The following ZFYVE16 variants were observed in gnomAD, a reference collection of about 807,000 sequenced individuals.
ZFYVE16 encodes zinc finger FYVE-type containing 16.
ZFYVE16 carries 89 observed loss-of-function variants against 138.1 expected under a neutral mutation model. That is an observed-to-expected ratio of 0.64 (90% CI 0.54 to 0.77). The LOEUF is 0.77. Among genes scored for constraint, ZFYVE16 ranks in the 30% least tolerant of loss-of-function variants. ZFYVE16 has a pLI of 0.00. For missense variants in ZFYVE16, 1,793 were observed against 1,786.7 expected, an observed-to-expected ratio of 1.00 and a Z score of -0.06; for synonymous variants, 596 against 618.3, an observed-to-expected ratio of 0.96 and a Z score of 0.53.
intron 1 of ZFYVE16, among the ~76,000 whole-genome samples, chr5:80,419,435 A>G (rs761422151): frequency 1.2e-4 from 18 of 151,896 alleles, no homozygotes; most frequent in Admixed American, 3.3e-4. Flanking sequence ...GCCAATACCA[A>G]ATTGCCCTGA....
chr5:80,472,404 C>T (rs1754472271), intron 15 of ZFYVE16, among the ~76,000 whole-genome samples: 1 of 151,726 alleles, frequency 6.6e-6, no homozygotes, highest in Non-Finnish European at 1.5e-5. Flanking sequence ...TGGGCTTAAC[C>T]TCTTCAGTTT....
rs767072017 is a variant in ZFYVE16 at position 80,481,221 on chromosome 5, A to G, written c.*3844A>G. Among the ~76,000 whole-genome samples the G allele has an allele frequency of 2.0e-5, 3 of 152,276 alleles. No individual in the cohort carries two copies. The highest frequency in any genetic ancestry group is 6.5e-5 in the Admixed American group (1 of 15,294). ...TCCCCCTGGTGCACTAGTGGCAGACATTGCAGGGCAGAACACTGGCAATGG... is the reference window on the plus strand; with the variant it reads ...TCCCCCTGGTGCACTAGTGGCAGACGTTGCAGGGCAGAACACTGGCAATGG... On this transcript the variant is annotated 3_prime_UTR_variant, in exon 19 of 19. Transcript: ENST00000505560.
intron 7 of ZFYVE16, among the ~76,000 whole-genome samples, chr5:80,446,046 C>A (rs1200945307): frequency 6.6e-6 from 1 of 151,766 alleles, no homozygotes; most frequent in Non-Finnish European, 1.5e-5. Flanking sequence ...CAGGCATCCA[C>A]CACCACACCT....
At chr5:80,430,495 T>C (rs371335813) in intron 2 of ZFYVE16, among the ~76,000 whole-genome samples, 1 of 151,774 alleles carries the variant, frequency 6.6e-6, no homozygotes, top group Non-Finnish European at 1.5e-5. Context: ...AGGAAAGATC[T>C]AAAATTGACA....
chr5:80,420,213 T>A (rs2112208793), intron 1 of ZFYVE16, among the ~76,000 whole-genome samples: 1 of 152,148 alleles, frequency 6.6e-6, no homozygotes, highest in South Asian at 2.1e-4. Flanking sequence ...TTCAAGGGAT[T>A]CTTTTGCCTC....
chr5:80,467,807 C>A (rs1480056294), intron 15 of ZFYVE16, among the ~76,000 whole-genome samples: 1 of 151,992 alleles, frequency 6.6e-6, no homozygotes, highest in African/African-American at 2.4e-5. Flanking sequence ...ATTACACTTA[C>A]AAGACAAAGG....
intron 7 of ZFYVE16, among the ~76,000 whole-genome samples, chr5:80,447,024 G>A (rs1019349713): frequency 1.3e-5 from 2 of 152,156 alleles, no homozygotes; most frequent in African/African-American, 2.4e-5. Context: ...CACTTTGGGA[G>A]GCCGAGGTGG....
At chr5:80,425,176 T>C (rs1353487335) in intron 1 of ZFYVE16, among the ~76,000 whole-genome samples, 1 of 152,232 alleles carries the variant, frequency 6.6e-6, no homozygotes, top group African/African-American at 2.4e-5. Flanking sequence ...TACTCCATTC[T>C]CATTTTGTCT....
At chr5:80,421,660 A>G (rs1474539381) in intron 1 of ZFYVE16, among the ~76,000 whole-genome samples, 3 of 152,094 alleles carry the variant, frequency 2.0e-5, no homozygotes, top group East Asian at 1.9e-4. Flanking sequence ...CTATATCTCC[A>G]TTTTGGTACC....
chr5:80,447,044 C>G (rs957877956), intron 7 of ZFYVE16, among the ~76,000 whole-genome samples: 21 of 152,012 alleles, frequency 1.4e-4, no homozygotes, highest in African/African-American at 5.1e-4. Flanking sequence ...GGCGGATCAT[C>G]TGAGGTCAGG....
At chr5:80,426,211 TG>T in intron 1 of ZFYVE16, among the ~76,000 whole-genome samples, 1 of 144,992 alleles carries the variant, frequency 6.9e-6, no homozygotes. Flanking sequence ...GGTGTGTGTG[TG>T]TGTGTGTGTG....
Position 80,437,700 on chromosome 5 carries a change from A to G in ZFYVE16, c.1015A>G (p.Lys339Glu). ...FSFQEDKTVI[K>E]QSAQEDSKSL... is the part of the protein sequence containing the mutation. ...CTTTCAGGAAGATAAGACTGTTATA[A>G]AACAATCTGCACAAGAAGACTCAAA... The change falls in exon 4 of 19, where the codon AAA becomes GAA. Residue 339 changes from lysine (K) to glutamate (E), a missense_variant. Transcript: ENST00000505560. 2.5e-6 allele frequency: 4 copies of G among 1,613,866 alleles called. No homozygotes were observed. The South Asian group carries it at 3.3e-5, about 13-fold the overall frequency.
intron 3 of ZFYVE16, among the ~76,000 whole-genome samples, chr5:80,435,321 C>G (rs149721879): frequency 6.6e-6 from 1 of 152,156 alleles, no homozygotes; most frequent in African/African-American, 2.4e-5. Flanking sequence ...GCCTGAGCCA[C>G]CAGGCCCGGC....
At chr5:80,410,186 T>C (rs1037008663) in intron 1 of ZFYVE16, 1 of 152,214 alleles carries the variant, frequency 6.6e-6, no homozygotes, top group African/African-American at 2.4e-5. Flanking sequence ...CTTTAACACA[T>C]GGATTCTTTT....
intron 1 of ZFYVE16, among the ~76,000 whole-genome samples, chr5:80,424,986 G>A (rs1747783126): frequency 6.6e-6 from 1 of 152,182 alleles, no homozygotes; most frequent in African/African-American, 2.4e-5. Context: ...CTCTCTGGCT[G>A]TTCTATCTTT....
At chr5:80,442,945 TA>T in intron 5 of ZFYVE16, 177 bp from the exon 6 acceptor site, 1 of 558,560 alleles carries the variant, frequency 1.8e-6, no homozygotes, top group Non-Finnish European at 3.0e-6. Context: ...TGCTGCCAAC[TA>T]AAGAGCCTGT....
At chr5:80,415,864 C>T (rs745841434) in intron 1 of ZFYVE16, among the ~76,000 whole-genome samples, 10 of 151,972 alleles carry the variant, frequency 6.6e-5, no homozygotes, top group Admixed American at 1.3e-4. Context: ...GACGGGGTTT[C>T]GCCATGTTGA....
At chr5:80,446,445 G>C (rs1246794997) in intron 7 of ZFYVE16, among the ~76,000 whole-genome samples, 1 of 152,076 alleles carries the variant, frequency 6.6e-6, no homozygotes, top group Non-Finnish European at 1.5e-5. Flanking sequence ...CAAAAGTTTA[G>C]TGAGAATAAT....
At position 80,459,402 on chromosome 5, in the gene ZFYVE16, T is replaced by G. The variant is rs1390937764; in HGVS notation, c.3944-12T>G. ...CAGTTTAAAACAAATAATTGTTGTATTTCTTGATCAGTGACAGGTGCAAGT... is the reference window on the plus strand; with the variant it reads ...CAGTTTAAAACAAATAATTGTTGTAGTTCTTGATCAGTGACAGGTGCAAGT... On this transcript the variant is annotated splice_polypyrimidine_tract_variant and intron_variant, in intron 14 of 18. Transcript: ENST00000505560. 6.2e-7 allele frequency: 1 copy of G among 1,607,654 alleles called. No homozygotes were observed. The highest frequency in any genetic ancestry group is 8.5e-7 in the Non-Finnish European group (1 of 1,177,552).
Sources: gnomAD v4.1 joint callset for allele counts (sites outside exome capture counted in the v4.1 genomes callset) on GRCh38, gnomAD v4.1.1 for gene constraint, MANE v1.5 for transcripts, NCBI Gene and HGNC (gene_info 2026-07-23, HGNC 2026-07-21) for gene names.